Variants in SCN8A observed in about 807,000 individuals in gnomAD.
SCN8A encodes sodium channel protein type 8 subunit alpha.
A neutral mutation model predicts 184.1 loss-of-function variants in SCN8A; 30 were observed. The ratio of observed to expected loss-of-function variants is 0.16; its 90% CI spans 0.12 to 0.22. The LOEUF (loss-of-function observed/expected upper bound fraction) is 0.22, where lower values mean the gene tolerates loss of function less well. Among genes scored for constraint, SCN8A ranks in the 10% least tolerant of loss-of-function variants. The pLI is 1.00. For synonymous variants in SCN8A, 852 were observed against 907.0 expected (o/e 0.94, Z 1.09); for missense variants, 1,057 against 2,498.9 (o/e 0.42, Z 12.30).
chr12:51,699,431 C>A, intron 6 of SCN8A, 139 bp from the exon 7 acceptor site: 2 of 554,512 alleles, frequency 3.6e-6, no homozygotes, highest in South Asian at 3.5e-5. Context: ...TATTATTATT[C>A]TCATGGCATA....
intron 7 of SCN8A, among the ~76,000 whole-genome samples, chr12:51,700,090 C>T (rs572523592): frequency 3.3e-5 from 5 of 150,854 alleles, no homozygotes; most frequent in African/African-American, 4.9e-5. Flanking sequence ...TGCTTGAACC[C>T]GGGAGGCGGA....
intron 9 of SCN8A, among the ~76,000 whole-genome samples, chr12:51,704,529 G>T (rs187863576): frequency 6.6e-6 from 1 of 151,658 alleles, no homozygotes; most frequent in African/African-American, 2.4e-5. Flanking sequence ...AATTAGCTGG[G>T]CATGGTGGCA....
chr12:51,621,828 C>T (rs188312751), intron 1 of SCN8A, among the ~76,000 whole-genome samples: 4 of 152,214 alleles, frequency 2.6e-5, no homozygotes, highest in South Asian at 2.1e-4. Flanking sequence ...TTATCTCATC[C>T]GGAGATTTGG....
At chr12:51,733,422 T>A (rs1283377836) in intron 12 of SCN8A, among the ~76,000 whole-genome samples, 1 of 152,228 alleles carries the variant, frequency 6.6e-6, no homozygotes, top group Non-Finnish European at 1.5e-5. Flanking sequence ...TAATGATGAA[T>A]GATCTTTTTA....
At chr12:51,757,509 G>A (rs989147481) in intron 14 of SCN8A, among the ~76,000 whole-genome samples, 3 of 152,134 alleles carry the variant, frequency 2.0e-5, no homozygotes, top group Admixed American at 2.0e-4. Flanking sequence ...GGCTGAAGGA[G>A]GTGTGTGACT....
chr12:51,772,629 C>T (rs954674671), intron 19 of SCN8A, among the ~76,000 whole-genome samples: 7 of 151,952 alleles, frequency 4.6e-5, no homozygotes. Flanking sequence ...GATTTATTTG[C>T]ACCGAGACCC....
chr12:51,764,784 T>C (rs1282288520), intron 15 of SCN8A, among the ~76,000 whole-genome samples: 1 of 151,508 alleles, frequency 6.6e-6, no homozygotes, highest in African/African-American at 2.4e-5. Flanking sequence ...TTCTTTTTTT[T>C]TTTTTTCTTA....
At chr12:51,744,286 G>C (rs1942473405) in intron 12 of SCN8A, among the ~76,000 whole-genome samples, 1 of 152,202 alleles carries the variant, frequency 6.6e-6, no homozygotes, top group Non-Finnish European at 1.5e-5. Context: ...CCGAGCGACA[G>C]AGCAGACTCT....
intron 1 of SCN8A, among the ~76,000 whole-genome samples, chr12:51,645,138 C>T (rs1169179132): frequency 6.7e-6 from 1 of 149,932 alleles, no homozygotes; most frequent in Non-Finnish European, 1.5e-5. Context: ...CGCCTCTGCC[C>T]GGCCGCCCCT....
chr12:51,653,535 A>G (rs747148368), intron 1 of SCN8A, among the ~76,000 whole-genome samples: 3 of 152,138 alleles, frequency 2.0e-5, no homozygotes, highest in Non-Finnish European at 4.4e-5. Context: ...TAAATATTTC[A>G]TTATGTGTAT....
chr12:51,753,293 G>A (rs940026622), intron 14 of SCN8A, among the ~76,000 whole-genome samples: 6 of 152,164 alleles, frequency 3.9e-5, no homozygotes, highest in African/African-American at 1.4e-4. Flanking sequence ...AGTGGGGAGG[G>A]AGCTTAGTAT....
intron 1 of SCN8A, among the ~76,000 whole-genome samples, chr12:51,655,958 G>C (rs1940814594): frequency 6.6e-6 from 1 of 152,178 alleles, no homozygotes; most frequent in Non-Finnish European, 1.5e-5. Flanking sequence ...TCATAGCTTT[G>C]CATCTGTCAC....
chr12:51,722,034 C>G, intron 12 of SCN8A, 126 bp downstream of exon 12: 1 of 1,492,188 alleles, frequency 6.7e-7, no homozygotes. Context: ...CCCACTTGGT[C>G]TGTCTGGACC....
intron 11 of SCN8A, among the ~76,000 whole-genome samples, chr12:51,710,369 C>CT (rs1465907043): frequency 6.6e-6 from 1 of 152,150 alleles, no homozygotes; most frequent in Non-Finnish European, 1.5e-5. Flanking sequence ...AACACCCTCT[C>CT]TAAAATGTCC....
chr12:51,751,653 CT>C, intron 14 of SCN8A, 60 bp downstream of exon 14: 1 of 1,272,758 alleles, frequency 7.9e-7, no homozygotes. Context: ...TGTAGGATAT[CT>C]TTTTCTGGTA....
In SCN8A at chr12:51,786,223, T is replaced by C. The variant is rs189216592; in HGVS notation, c.3943-319T>C. ...TTTCCCATTGGGCATATTTTATGAA[T>C]TGAGGAAGAGGGAGACTGGACTAAG... On this transcript the variant is annotated intron_variant, in intron 21 of 26. Transcript: ENST00000627620. Among the ~76,000 whole-genome samples the C allele has an allele frequency of 3.3e-5, 5 of 152,330 alleles. No individual in the cohort carries two copies. The East Asian group carries it at 9.7e-4, about 29-fold the overall frequency.
At position 51,721,752 on chromosome 12, in the gene SCN8A, C is replaced by T; in HGVS notation, c.1842C>T (p.Tyr614=). ...GGGCCCGCGAGCGCCGGAGCAGCTA[C>T]AGCGGCTACAGCGGCTACAGCCAGG... ...PIRARERRSS[Y]SGYSGYSQGS... Residue 614 remains tyrosine (Y), a synonymous_variant, in exon 12 of 27, where the codon TAC becomes TAT. Transcript: ENST00000627620. 1 of 1,607,076 alleles carries T rather than the reference C, an allele frequency of 6.2e-7. No individual in the cohort carries two copies. The highest frequency in any genetic ancestry group is 8.5e-7 in the Non-Finnish European group (1 of 1,177,438).
chr12:51,721,067 CAAAAAA>C (rs1337918444), intron 11 of SCN8A, among the ~76,000 whole-genome samples: 1 of 58,084 alleles, frequency 1.7e-5, no homozygotes, highest in African/African-American at 7.4e-5. Flanking sequence ...AACTCCATCT[CAAAAAA>C]AAAAAAATTA....
intron 1 of SCN8A, among the ~76,000 whole-genome samples, chr12:51,596,459 G>C (rs979321545): frequency 3.3e-5 from 5 of 152,180 alleles, no homozygotes; most frequent in Non-Finnish European, 7.4e-5. Context: ...GTCGACTCAT[G>C]TTTAGTGACT....
Sources: gnomAD v4.1 joint callset for allele counts (sites outside exome capture counted in the v4.1 genomes callset) on GRCh38, gnomAD v4.1.1 for gene constraint, MANE v1.5 for transcripts, NCBI Gene and HGNC (gene_info 2026-07-23, HGNC 2026-07-21) for gene names.